DSG4: variants seen among roughly 807,000 people sequenced by gnomAD.
The protein encoded by DSG4 is desmoglein-4.
A neutral mutation model predicts 93.1 loss-of-function variants in DSG4; 87 were observed. The observed-to-expected ratio is 0.93, with a 90% CI of 0.79 to 1.12. The LOEUF is 1.12. DSG4 is among the 50% of genes most tolerant of loss of function. DSG4 has a pLI of 0.00. For missense variants in DSG4, 1,373 were observed against 1,285.7 expected, an observed-to-expected ratio of 1.07 and a Z score of -1.04; for synonymous variants, 432 against 452.9, an observed-to-expected ratio of 0.95 and a Z score of 0.59.
intron 1 of DSG4, among the ~76,000 whole-genome samples, chr18:31,382,595 G>A (rs1355080642): frequency 6.6e-6 from 1 of 152,118 alleles, no homozygotes; most frequent in Non-Finnish European, 1.5e-5. Flanking sequence ...ATTAACAGGT[G>A]TTTCCTAGAA....
In DSG4 at chr18:31,384,916, C is replaced by T. The variant is rs112251593; in HGVS notation, c.49-220C>T. Among the ~76,000 whole-genome samples, 35 of 152,278 alleles carry T rather than the reference C, an allele frequency of 2.3e-4. 1 individual carries two copies. The South Asian group carries it at 5.6e-3, about 24-fold the overall frequency. ...CTCCATTGAGCCCACTGAGGTATCC[C>T]AACCTGCTGTAGACTTATGTGTTTG... On this transcript the variant is annotated intron_variant, in intron 1 of 15. Transcript: ENST00000308128.
intron 1 of DSG4, among the ~76,000 whole-genome samples, chr18:31,378,578 A>ATT (rs1435978309): frequency 6.6e-6 from 1 of 152,094 alleles, no homozygotes; most frequent in Non-Finnish European, 1.5e-5. Flanking sequence ...GGTAGTATTT[A>ATT]TTTATTTTCC....
At chr18:31,409,322 G>T in intron 12 of DSG4, 130 bp from the exon 13 acceptor site, 1 of 1,396,366 alleles carries the variant, frequency 7.2e-7, no homozygotes, top group Non-Finnish European at 1.0e-6. Context: ...AAAAAAATGA[G>T]ATTTTCTTAC....
Position 31,406,276 on chromosome 18 carries a change from G to C in DSG4, c.1836G>C (p.Thr612=). Residue 612 remains threonine (T), a synonymous_variant, in exon 12 of 16, where the codon ACG becomes ACC. Coordinates refer to ENST00000308128, the MANE Select transcript of DSG4 (RefSeq NM_177986.5). ...GIYTEDITGD[T]YGPVTEDQAG... Reference sequence around the variant, plus strand: ...ACACAGAGGACATAACTGGTGACACGTATGGGCCTGTCACTGAAGACCAAG... The same window carrying C: ...ACACAGAGGACATAACTGGTGACACCTATGGGCCTGTCACTGAAGACCAAG... The C allele has an allele frequency of 6.2e-7, 1 of 1,614,202 alleles. No individual in the cohort carries two copies. Among genetic ancestry groups the C allele is most frequent in the Non-Finnish European group, 8.5e-7 (1 of 1,180,040 alleles).
chr18:31,414,294 A>G lies in DSG4; in HGVS notation c.*699A>G, dbSNP rs931247186. The G allele has an allele frequency of 6.6e-6, 1 of 152,180 alleles. No homozygotes were observed. The highest frequency in any genetic ancestry group is 1.5e-5 in the Non-Finnish European group (1 of 68,020). The allele number at this position is 152,180 out of a possible 1,614,324, so 9.4% of individuals were successfully genotyped here. A position where few individuals can be genotyped will look rare whatever the true frequency, so the allele number is the denominator to read the frequency against. ...TAAATTAATCTAGAATAGCAAAAAA[A>G]AATGACAATCCTAAAGTAGAAAGAG... On this transcript the variant is annotated 3_prime_UTR_variant, in exon 16 of 16. Coordinates refer to ENST00000308128, the MANE Select transcript of DSG4 (RefSeq NM_177986.5).
chr18:31,378,707 T>C (rs1227701194), intron 1 of DSG4, among the ~76,000 whole-genome samples: 1 of 152,210 alleles, frequency 6.6e-6, no homozygotes, highest in Non-Finnish European at 1.5e-5. Flanking sequence ...TTTTTCTTTA[T>C]GCTTGTCTAA....
chr18:31,399,249 T>G (rs762185432), intron 8 of DSG4, 23 bp from the exon 9 acceptor site: 1 of 1,613,454 alleles, frequency 6.2e-7, no homozygotes, highest in Non-Finnish European at 8.5e-7. Context: ...TGTTTCAGAG[T>G]TTTTTATTTT....
Position 31,391,132 on chromosome 18 carries a change from G to A in DSG4, c.739G>A (p.Asp247Asn). The A allele has an allele frequency of 1.9e-6, 3 of 1,613,822 alleles. No homozygotes were observed. The highest frequency in any genetic ancestry group is 2.5e-6 in the Non-Finnish European group (3 of 1,179,798). Residue 247 changes from aspartate (D) to asparagine (N), a missense_variant, in exon 7 of 16, where the codon GAT (aspartate) becomes AAT (asparagine). Transcript: ENST00000308128. Reference protein sequence around the residue: ...VRGSDRDGAADGLSSECDCRI... With the variant: ...VRGSDRDGAANGLSSECDCRI... ...AGGCTCAGATCGGGATGGAGCTGCA[G>A]ATGGACTGTCTTCTGAGTGTGACTG...
At chr18:31,409,254 T>G (rs1470605403) in intron 12 of DSG4, among the ~76,000 whole-genome samples, 198 bp from the exon 13 acceptor site, 2 of 152,220 alleles carry the variant, frequency 1.3e-5, no homozygotes, top group Non-Finnish European at 2.9e-5. Context: ...TAAAGTTCTA[T>G]GTGATTTGGT....
intron 13 of DSG4, 43 bp from the exon 14 acceptor site, chr18:31,409,702 A>G: frequency 6.2e-7 from 1 of 1,614,086 alleles, no homozygotes; most frequent in South Asian, 1.1e-5. Flanking sequence ...TTAAATGTTT[A>G]ACATAAAGCG....
intron 15 of DSG4, among the ~76,000 whole-genome samples, chr18:31,412,107 T>C (rs2072501560): frequency 6.6e-6 from 1 of 152,184 alleles, no homozygotes; most frequent in East Asian, 1.9e-4. Flanking sequence ...ACGTAGCCAA[T>C]ACATGGAATC....
At chr18:31,383,061 C>T (rs2072152398) in intron 1 of DSG4, among the ~76,000 whole-genome samples, 5 of 152,170 alleles carry the variant, frequency 3.3e-5, no homozygotes. Context: ...TTGGCTAGTA[C>T]TTTTAGATGC....
At chr18:31,397,289 C>G (rs1294639560) in intron 8 of DSG4, among the ~76,000 whole-genome samples, 1 of 152,142 alleles carries the variant, frequency 6.6e-6, no homozygotes, top group African/African-American at 2.4e-5. Flanking sequence ...GGTCAAACCC[C>G]CAGCCACTCT....
chr18:31,388,960 C>T lies in DSG4; in HGVS notation c.459C>T (p.Asn153=), dbSNP rs749138368. The change falls in exon 5 of 16, where the codon AAC becomes AAT. Residue 153 remains asparagine, a synonymous_variant. Transcript: ENST00000308128. ...LRVKVMDIND[N]APVFSQSVYT... ...TCAAAGTTATGGACATAAATGATAA[C>T]GCTCCAGTCTTTTCGCAAAGTGTAT... The T allele has an allele frequency of 3.1e-5, 50 of 1,613,356 alleles. No homozygotes were observed. The East Asian group carries it at 3.6e-4, about 12-fold the overall frequency.
intron 8 of DSG4, among the ~76,000 whole-genome samples, chr18:31,398,340 A>G (rs2072327887): frequency 1.3e-5 from 2 of 152,182 alleles, no homozygotes; most frequent in South Asian, 4.1e-4. Flanking sequence ...GAAGAACCCA[A>G]GTAAATTTCT....
chr18:31,404,666 T>G (rs2072405342), intron 11 of DSG4, among the ~76,000 whole-genome samples: 1 of 152,178 alleles, frequency 6.6e-6, no homozygotes, highest in Admixed American at 6.5e-5. Flanking sequence ...AAGTAAGAAA[T>G]TAGGCAATTT....
chr18:31,412,533 T>A (rs1487700123), intron 15 of DSG4, among the ~76,000 whole-genome samples: 1 of 152,344 alleles, frequency 6.6e-6, no homozygotes, highest in East Asian at 1.9e-4. Flanking sequence ...TATCTCATAT[T>A]TCAGTCGGCC....
chr18:31,400,956 A>T lies in DSG4; in HGVS notation c.1353A>T (p.Glu451Asp), dbSNP rs749727894. Residue 451 changes from glutamate (E) to aspartate (D), a missense_variant, in exon 10 of 16, where the codon GAA (glutamate) becomes GAT (aspartate). Coordinates refer to ENST00000308128, the MANE Select transcript of DSG4 (RefSeq NM_177986.5). ...CTGGTGAGATACAATTTTCTAGAGA[A>T]TTTGATAAGAAGTCAAAATATATTA... ...SRTGEIQFSREFDKKSKYIIN... is the reference protein window; with the variant it reads ...SRTGEIQFSRDFDKKSKYIIN... 8.1e-6 allele frequency: 13 copies of T among 1,612,140 alleles called. No homozygotes were observed. In the East Asian group the frequency reaches 2.7e-4, roughly 33 times the overall value.
In DSG4 at chr18:31,414,742, C is replaced by T. The variant is rs2072537539; in HGVS notation, c.*1147C>T. Reference sequence around the variant, plus strand: ...TTATGTTGAATAAATAAAATGGAAACACATTGCTTACTTTTCGTAGGCATA... The same window carrying T: ...TTATGTTGAATAAATAAAATGGAAATACATTGCTTACTTTTCGTAGGCATA... On this transcript the variant is annotated 3_prime_UTR_variant, in exon 16 of 16. Transcript: ENST00000308128. 6.6e-6 allele frequency: 1 copy of T among 152,162 alleles called. No homozygotes were observed. Among genetic ancestry groups the T allele is most frequent in the Admixed American group, 6.5e-5 (1 of 15,284 alleles). The allele number at this position is 152,162 out of a possible 1,614,324, so 9.4% of individuals were successfully genotyped here. A position where few individuals can be genotyped will look rare whatever the true frequency, so the allele number is the denominator to read the frequency against.
Sources: gnomAD v4.1 joint callset for allele counts (sites outside exome capture counted in the v4.1 genomes callset) on GRCh38, gnomAD v4.1.1 for gene constraint, MANE v1.5 for transcripts, NCBI Gene and HGNC (gene_info 2026-07-23, HGNC 2026-07-21) for gene names.